The following TMEFF2 variants were observed in gnomAD, a reference collection of about 807,000 sequenced individuals.
TMEFF2 encodes transmembrane protein with EGF like and two follistatin like domains 2.
TMEFF2 carries 28 observed loss-of-function variants against 53.8 expected under a neutral mutation model. The ratio of observed to expected loss-of-function variants is 0.52; its 90% CI spans 0.39 to 0.71. TMEFF2 has a LOEUF of 0.71. TMEFF2 is among the 30% of genes least tolerant of loss of function. TMEFF2 has a pLI of 0.00. For missense variants in TMEFF2, 353 were observed against 455.2 expected (o/e 0.78, Z 2.04); for synonymous variants, 162 against 166.3 (o/e 0.97, Z 0.20).
intron 7 of TMEFF2, among the ~76,000 whole-genome samples, chr2:191,980,756 A>G (rs574650676): frequency 6.6e-6 from 1 of 152,152 alleles, no homozygotes; most frequent in African/African-American, 2.4e-5. Flanking sequence ...AAATGAACAT[A>G]TTCATTATTT....
chr2:191,949,691 CTTCTT>C lies in TMEFF2; in HGVS notation c.*615_*619del. ...GTTATAAAACACTTTCCCTCCCCTT[CTTCTT>C]TTATTTAGTTTATATGCCAGAGATT... is the stretch of plus-strand genomic sequence containing the variant. On this transcript the variant is annotated 3_prime_UTR_variant, in exon 10 of 10. Transcript: ENST00000272771. 1 of 985,358 alleles carries C rather than the reference CTTCTT, an allele frequency of 1.0e-6. No individual in the cohort carries two copies. The highest frequency in any genetic ancestry group is 1.2e-6 in the Non-Finnish European group (1 of 829,902). 61.0% of individuals were successfully genotyped at this position (985,358 alleles called of 1,614,324 possible).
In TMEFF2 at chr2:192,053,970, A is replaced by T. The variant is rs1255636770; in HGVS notation, c.536+3709T>A. On this transcript the variant is annotated intron_variant, in intron 5 of 9. Transcript: ENST00000272771. ...AAATCAATGCACTTGTCATTTCAGC[A>T]CAATTCCTTATTGCTTACATTCAAC... Among the ~76,000 whole-genome samples, 3 of 152,168 alleles carry T rather than the reference A, an allele frequency of 2.0e-5. No individual in the cohort carries two copies. The East Asian group carries it at 5.8e-4, about 29-fold the overall frequency.
intron 4 of TMEFF2, among the ~76,000 whole-genome samples, chr2:192,145,063 A>G (rs1690216765): frequency 1.3e-5 from 2 of 151,976 alleles, no homozygotes; most frequent in Non-Finnish European, 2.9e-5. Flanking sequence ...TTTTAACAGA[A>G]AAACAAAATT....
intron 4 of TMEFF2, among the ~76,000 whole-genome samples, chr2:192,080,962 C>G (rs1462682919): frequency 6.6e-6 from 1 of 151,856 alleles, no homozygotes; most frequent in Non-Finnish European, 1.5e-5. Flanking sequence ...TTTGTCGTTG[C>G]TGAATAAAGT....
chr2:192,192,507 A>C (rs533976735), intron 1 of TMEFF2, among the ~76,000 whole-genome samples: 1 of 152,306 alleles, frequency 6.6e-6, no homozygotes, highest in South Asian at 2.1e-4. Flanking sequence ...ATAAACAGGC[A>C]CAGTGTTTTC....
chr2:192,137,864 G>A (rs1290197952), intron 4 of TMEFF2, among the ~76,000 whole-genome samples: 2 of 151,118 alleles, frequency 1.3e-5, no homozygotes, highest in Non-Finnish European at 2.9e-5. Flanking sequence ...GTGCAGTGGT[G>A]CGATCTAGGC....
At chr2:192,183,665 A>G (rs892396138) in intron 3 of TMEFF2, among the ~76,000 whole-genome samples, 2 of 152,040 alleles carry the variant, frequency 1.3e-5, no homozygotes, top group South Asian at 2.1e-4. Flanking sequence ...AGCATTCCCC[A>G]TTTTAAAGCA....
chr2:192,183,967 T>C (rs1279892432), intron 3 of TMEFF2, among the ~76,000 whole-genome samples: 1 of 152,136 alleles, frequency 6.6e-6, no homozygotes, highest in African/African-American at 2.4e-5. Context: ...TTCCAGCAGA[T>C]AATGCTATTG....
At chr2:192,070,789 G>A (rs1366985249) in intron 4 of TMEFF2, among the ~76,000 whole-genome samples, 1 of 151,892 alleles carries the variant, frequency 6.6e-6, no homozygotes, top group Non-Finnish European at 1.5e-5. Flanking sequence ...TTAAACCGAA[G>A]TTGAGGAGTC....
intron 4 of TMEFF2, among the ~76,000 whole-genome samples, chr2:192,076,121 TAAGAAA>T (rs547118278): frequency 6.6e-6 from 1 of 152,018 alleles, no homozygotes; most frequent in Non-Finnish European, 1.5e-5. Flanking sequence ...ATTTATTACA[TAAGAAA>T]AAGAATAAAA....
chr2:192,047,940 T>C (rs1400685901), intron 5 of TMEFF2, among the ~76,000 whole-genome samples: 1 of 152,206 alleles, frequency 6.6e-6, no homozygotes, highest in Non-Finnish European at 1.5e-5. Flanking sequence ...CCCGATTTAA[T>C]ACACCTTTGG....
intron 4 of TMEFF2, among the ~76,000 whole-genome samples, chr2:192,175,471 T>C (rs1245793392): frequency 6.6e-6 from 1 of 151,606 alleles, no homozygotes; most frequent in African/African-American, 2.4e-5. Context: ...TGTCAACTGA[T>C]TTTCTACACC....
chr2:192,189,555 C>CAAAAAAAAAA (rs58455898), intron 2 of TMEFF2, among the ~76,000 whole-genome samples: 13,880 of 40,874 alleles, frequency 0.34, 2,317 homozygotes, highest in East Asian at 0.55. Flanking sequence ...CCAAAAATTC[C>CAAAAAAAAAA]AAAAAAAAAA....
At chr2:192,152,776 A>T (rs1690418384) in intron 4 of TMEFF2, among the ~76,000 whole-genome samples, 1 of 151,948 alleles carries the variant, frequency 6.6e-6, no homozygotes, top group South Asian at 2.1e-4. Flanking sequence ...CAAAAGAACT[A>T]TGTTGGAATA....
At chr2:192,123,272 T>C (rs950321337) in intron 4 of TMEFF2, among the ~76,000 whole-genome samples, 3 of 152,184 alleles carry the variant, frequency 2.0e-5, no homozygotes, top group Non-Finnish European at 4.4e-5. Flanking sequence ...AGTTATCTTG[T>C]GCTGTACTTC....
intron 7 of TMEFF2, among the ~76,000 whole-genome samples, chr2:191,994,063 G>A (rs911898248): frequency 4.0e-5 from 6 of 151,850 alleles, no homozygotes; most frequent in African/African-American, 7.3e-5. Flanking sequence ...TGCATATTGC[G>A]GTGACTGCAA....
chr2:191,961,922 G>A lies in TMEFF2; in HGVS notation c.746-5544C>T, dbSNP rs117797562. ...CAAGGCATATACGAGTAGATGAGAA[G>A]AGTCTCTCCTTTTTAAAGCTTCTGG... On this transcript the variant is annotated intron_variant, in intron 7 of 9. Transcript: ENST00000272771. 3.5e-3 allele frequency among the ~76,000 whole-genome samples: 526 copies of A among 152,242 alleles called. 13 individuals are homozygous for A. Among genetic ancestry groups the A allele is most frequent in the East Asian group, 0.029 (152 of 5,176 alleles).
chr2:192,029,847 G>C (rs976085765), intron 5 of TMEFF2, among the ~76,000 whole-genome samples: 5 of 152,190 alleles, frequency 3.3e-5, no homozygotes, highest in African/African-American at 1.2e-4. Context: ...TAAATTCAGT[G>C]AGAAGAATGG....
intron 5 of TMEFF2, among the ~76,000 whole-genome samples, chr2:192,025,516 AGT>A (rs1338667689): frequency 6.6e-6 from 1 of 152,156 alleles, no homozygotes; most frequent in Non-Finnish European, 1.5e-5. Context: ...TCACTTATAA[AGT>A]GTAGAAATTG....
Sources: gnomAD v4.1 joint callset for allele counts (sites outside exome capture counted in the v4.1 genomes callset) on GRCh38, gnomAD v4.1.1 for gene constraint, MANE v1.5 for transcripts, NCBI Gene and HGNC (gene_info 2026-07-23, HGNC 2026-07-21) for gene names.